FAM185A: variants seen among roughly 807,000 people sequenced by gnomAD.
FAM185A encodes the protein family with sequence similarity 185 member A, also known as protein FAM185A.
FAM185A carries 21 observed loss-of-function variants against 45.7 expected under a neutral mutation model. The ratio of observed to expected loss-of-function variants is 0.46; its 90% confidence interval spans 0.33 to 0.66. FAM185A has a LOEUF of 0.66. FAM185A is among the 30% of genes least tolerant of loss of function. FAM185A has a pLI of 0.03. For missense variants in FAM185A, 305 were observed against 485.4 expected (o/e 0.63, Z 3.49); for synonymous variants, 117 against 194.0 (o/e 0.60, Z 3.30).
intron 6 of FAM185A, among the ~76,000 whole-genome samples, chr7:102,783,071 A>C (rs1334590346): frequency 3.9e-5 from 6 of 152,118 alleles, no homozygotes; most frequent in Non-Finnish European, 8.8e-5. Context: ...ACATAATGGT[A>C]AAGGGATCAA....
At chr7:102,840,021 G>A in the FAM185A span, among the ~76,000 whole-genome samples, 5 of 152,206 alleles carry the variant, frequency 3.3e-5, no homozygotes, top group African/African-American at 1.2e-4. Flanking sequence ...TGGCTTACTG[G>A]CTGCACAGAT....
intron 1 of FAM185A, among the ~76,000 whole-genome samples, chr7:102,750,190 A>G (rs1029732263): frequency 5.9e-5 from 9 of 152,214 alleles, no homozygotes; most frequent in African/African-American, 9.6e-5. Context: ...AGCTTTGAAG[A>G]AAAACACATG....
the FAM185A span, among the ~76,000 whole-genome samples, chr7:102,850,139 T>C: frequency 6.6e-6 from 1 of 152,226 alleles, no homozygotes. Flanking sequence ...AGAACTCAGC[T>C]GTATGGTCAT....
At chr7:102,816,839 T>A in the FAM185A span, among the ~76,000 whole-genome samples, 1 of 152,302 alleles carries the variant, frequency 6.6e-6, no homozygotes, top group Middle Eastern at 3.4e-3. Flanking sequence ...GCTCCTACTT[T>A]TAAGTGAGAA....
At chr7:102,784,468 C>G (rs1562865939) in intron 6 of FAM185A, among the ~76,000 whole-genome samples, 1 of 152,184 alleles carries the variant, frequency 6.6e-6, no homozygotes, top group South Asian at 2.1e-4. Flanking sequence ...AGCAGCACAT[C>G]AAGAAGTTTA....
intron 3 of FAM185A, among the ~76,000 whole-genome samples, chr7:102,758,459 T>TAA (rs554315669): frequency 9.3e-6 from 1 of 107,448 alleles, no homozygotes. Context: ...TTTTTTTTTT[T>TAA]ATAGTAGCTA....
the FAM185A span, among the ~76,000 whole-genome samples, chr7:102,840,888 A>G: frequency 6.6e-6 from 1 of 152,208 alleles, no homozygotes; most frequent in Non-Finnish European, 1.5e-5. Flanking sequence ...TTCCAAAAGC[A>G]CTTGGAAGAC....
the FAM185A span, among the ~76,000 whole-genome samples, chr7:102,837,028 T>C: frequency 6.6e-6 from 1 of 152,250 alleles, no homozygotes. Context: ...CATTTTTGGC[T>C]GCCCCAAAGG....
At chr7:102,828,609 C>G in the FAM185A span, among the ~76,000 whole-genome samples, 2 of 152,244 alleles carry the variant, frequency 1.3e-5, no homozygotes, top group African/African-American at 4.8e-5. Flanking sequence ...CATGCCTTTC[C>G]ACTCCTAATT....
In FAM185A at chr7:102,772,437, T is replaced by C; in HGVS notation, c.822T>C (p.Gly274=). 2.6e-6 allele frequency: 4 copies of C among 1,545,510 alleles called. No individual in the cohort carries two copies. The highest frequency in any genetic ancestry group is 3.5e-6 in the Non-Finnish European group (4 of 1,144,474). The change falls in exon 5 of 8, where the codon GGT becomes GGC. Residue 274 remains glycine (G), a synonymous_variant. Transcript: ENST00000413034. The stretch of plus-strand genomic sequence containing the variant: ...ATATAACATTACAAAGCAAGATGGG[T>C]AACATCACAGTAGGTATGTGCTAAG... The part of the protein sequence containing the change: ...HGNITLQSKM[G]NITVDSSSGC...
chr7:102,790,335 A>G (rs1796073293), intron 7 of FAM185A, among the ~76,000 whole-genome samples: 1 of 152,184 alleles, frequency 6.6e-6, no homozygotes, highest in Non-Finnish European at 1.5e-5. Flanking sequence ...TTTTACCTCT[A>G]TTATAATCTT....
the FAM185A span, chr7:102,827,210 T>C: frequency 6.7e-6 from 3 of 448,252 alleles, no homozygotes; most frequent in Non-Finnish European, 1.4e-5. Context: ...GCTAGCTTGC[T>C]GGAGGATGAG....
Position 102,768,129 on chromosome 7 carries a change from G to A in FAM185A, c.794-4280G>A, listed in dbSNP as rs528753068. 3.1e-4 allele frequency among the ~76,000 whole-genome samples: 38 copies of A among 120,690 alleles called. 1 individual carries two copies. Among genetic ancestry groups the A allele is most frequent in the African/African-American group, 9.1e-4 (36 of 39,756 alleles). The allele number at this position is 120,690 out of a possible 152,430, so 79.2% of individuals were successfully genotyped here. A position where few individuals can be genotyped will look rare whatever the true frequency, so the allele number is the denominator to read the frequency against. On this transcript the variant is annotated intron_variant, in intron 4 of 7. Transcript: ENST00000413034. ...TCACTGCAGCTAAAGTAGTTTATTA[G>A]TAATGCACATTGAACATGTCATTCT... is the stretch of plus-strand genomic sequence containing the variant.
At chr7:102,847,609 C>T in the FAM185A span, among the ~76,000 whole-genome samples, 1 of 151,252 alleles carries the variant, frequency 6.6e-6, no homozygotes, top group African/African-American at 2.4e-5. Context: ...TCACTGCAAC[C>T]TCTGCCTCCT....
intron 5 of FAM185A, among the ~76,000 whole-genome samples, chr7:102,772,732 A>G (rs940908869): frequency 1.3e-5 from 2 of 151,928 alleles, no homozygotes; most frequent in Non-Finnish European, 2.9e-5. Flanking sequence ...TTCTTCAAAT[A>G]TCTAAATTAA....
the FAM185A span, among the ~76,000 whole-genome samples, chr7:102,834,271 C>T: frequency 6.6e-6 from 1 of 150,414 alleles, no homozygotes; most frequent in South Asian, 2.1e-4. Context: ...TCTTAGAATA[C>T]AAAGTTAGAG....
At chr7:102,765,191 G>A (rs1398929195) in intron 4 of FAM185A, among the ~76,000 whole-genome samples, 1 of 152,162 alleles carries the variant, frequency 6.6e-6, no homozygotes, top group Non-Finnish European at 1.5e-5. Context: ...CACTTTGAGG[G>A]CTTCCTGGCT....
intron 4 of FAM185A, among the ~76,000 whole-genome samples, chr7:102,769,766 C>T (rs1794639457): frequency 6.6e-6 from 1 of 151,642 alleles, no homozygotes; most frequent in African/African-American, 2.4e-5. Context: ...GATAGGGGCT[C>T]TGCAGAGTCA....
chr7:102,786,761 T>C (rs1487815394), intron 6 of FAM185A, among the ~76,000 whole-genome samples: 1 of 151,680 alleles, frequency 6.6e-6, no homozygotes, highest in African/African-American at 2.4e-5. Flanking sequence ...CACACCAACA[T>C]GGCACATGTA....
Sources: gnomAD v4.1 joint callset for allele counts (sites outside exome capture counted in the v4.1 genomes callset) on GRCh38, gnomAD v4.1.1 for gene constraint, MANE v1.5 for transcripts, NCBI Gene and HGNC (gene_info 2026-07-23, HGNC 2026-07-21) for gene names.